Variants in SLC39A10 observed in about 807,000 individuals in gnomAD.
SLC39A10 encodes the protein zinc transporter ZIP10.
SLC39A10 carries 13 observed loss-of-function variants against 65.1 expected under a neutral mutation model. The observed-to-expected ratio is 0.20, with a 90% CI of 0.13 to 0.32. The LOEUF is 0.32. Among genes scored for constraint, SLC39A10 ranks in the 10% least tolerant of loss-of-function variants. The pLI is 1.00. For synonymous variants in SLC39A10, 321 were observed against 342.2 expected, an observed-to-expected ratio of 0.94 and a Z score of 0.68; for missense variants, 831 against 1,018.4, an observed-to-expected ratio of 0.82 and a Z score of 2.50.
intron 1 of SLC39A10, among the ~76,000 whole-genome samples, chr2:195,658,936 A>G (rs371727085): frequency 6.6e-6 from 1 of 152,258 alleles, no homozygotes; most frequent in East Asian, 1.9e-4. Context: ...ATAGAATTGC[A>G]ACAGAAACCA....
intron 2 of SLC39A10, among the ~76,000 whole-genome samples, chr2:195,632,218 T>A (rs192946858): frequency 7.9e-4 from 119 of 151,412 alleles, no homozygotes; most frequent in Non-Finnish European, 1.4e-3. Flanking sequence ...TTTGTTATTC[T>A]TATCAAAGCT....
chr2:195,653,057 C>T (rs986446740), upstream of SLC39A10, among the ~76,000 whole-genome samples: 6 of 152,058 alleles, frequency 3.9e-5, no homozygotes, highest in Non-Finnish European at 5.9e-5. Flanking sequence ...TTCCAGGAAA[C>T]CAGTCTCTGG....
chr2:195,706,536 A>G (rs911507985), intron 3 of SLC39A10, 80 bp from the exon 4 acceptor site: 1 of 1,339,522 alleles, frequency 7.5e-7, no homozygotes, highest in Non-Finnish European at 1.0e-6. Flanking sequence ...CGATTCATTT[A>G]TCTTATATTT....
At chr2:195,640,449 A>G (rs1450778899) in intron 2 of SLC39A10, among the ~76,000 whole-genome samples, 1 of 152,138 alleles carries the variant, frequency 6.6e-6, no homozygotes, top group Non-Finnish European at 1.5e-5. Flanking sequence ...AAAAAAGAAA[A>G]TAGTTACTGT....
intron 9 of SLC39A10, among the ~76,000 whole-genome samples, chr2:195,734,155 T>C (rs1479964692): frequency 1.1e-5 from 1 of 90,790 alleles, no homozygotes; most frequent in Admixed American, 1.2e-4. Flanking sequence ...TCTTCCTTTT[T>C]TTTTAAAAAA....
intron 2 of SLC39A10, among the ~76,000 whole-genome samples, chr2:195,616,757 C>G (rs1688219440): frequency 1.3e-5 from 2 of 151,982 alleles, no homozygotes; most frequent in African/African-American, 4.8e-5. Context: ...GCTCCCGCCA[C>G]CACGCCTGGC....
At chr2:195,650,654 C>G (rs1689012616) in intron 2 of SLC39A10, among the ~76,000 whole-genome samples, 1 of 152,048 alleles carries the variant, frequency 6.6e-6, no homozygotes, top group Admixed American at 6.6e-5. Flanking sequence ...TTTTTCTCCC[C>G]TGGGTGAGAA....
At chr2:195,723,826 G>C (rs1232426215) in intron 8 of SLC39A10, among the ~76,000 whole-genome samples, 1 of 151,938 alleles carries the variant, frequency 6.6e-6, no homozygotes, top group Admixed American at 6.6e-5. Flanking sequence ...TAGTATACCA[G>C]GGTGACCAGT....
At position 195,680,146 on chromosome 2, in the gene SLC39A10, C is replaced by T. The variant is rs754559742; in HGVS notation, c.104C>T (p.Ala35Val). 13 of 1,613,830 alleles carry T rather than the reference C, an allele frequency of 8.1e-6. No homozygotes were observed. In the African/African-American group the frequency reaches 9.4e-5, roughly 12 times the overall value. The part of the protein sequence containing the change: ...CHEEHDHGPE[A>V]LHRQHRGMTE... ...GAAGAACATGACCATGGCCCTGAAGCGCTTCACAGACAGCATCGTGGAATG... is the reference window on the plus strand; with the variant it reads ...GAAGAACATGACCATGGCCCTGAAGTGCTTCACAGACAGCATCGTGGAATG... Residue 35 changes from alanine (A) to valine (V), a missense_variant, in exon 2 of 10, where the codon GCG (alanine) becomes GTG (valine). Coordinates refer to ENST00000359634, the MANE Select transcript of SLC39A10 (RefSeq NM_020342.3).
intron 4 of SLC39A10, among the ~76,000 whole-genome samples, chr2:195,707,432 G>A (rs1691447087): frequency 6.6e-6 from 1 of 151,994 alleles, no homozygotes; most frequent in Non-Finnish European, 1.5e-5. Context: ...GAAAACAATG[G>A]GGATTTTTCT....
At chr2:195,620,732 T>C (rs1281236505) in intron 2 of SLC39A10, among the ~76,000 whole-genome samples, 1 of 152,186 alleles carries the variant, frequency 6.6e-6, no homozygotes, top group African/African-American at 2.4e-5. Flanking sequence ...TAACTATTTA[T>C]AAACAATGTA....
At chr2:195,641,289 C>G (rs1252061516) in intron 2 of SLC39A10, among the ~76,000 whole-genome samples, 1 of 152,064 alleles carries the variant, frequency 6.6e-6, no homozygotes, top group East Asian at 1.9e-4. Flanking sequence ...GAAGGGGTGC[C>G]GAGGAGATGA....
intron 3 of SLC39A10, 27 bp downstream of exon 3, chr2:195,683,933 C>T (rs1335933952): frequency 6.7e-7 from 1 of 1,485,146 alleles, no homozygotes; most frequent in African/African-American, 1.4e-5. Context: ...GTTTTTTCTC[C>T]TTAAAATAGT....
chr2:195,727,569 C>G (rs775775504), intron 8 of SLC39A10, among the ~76,000 whole-genome samples: 2 of 152,036 alleles, frequency 1.3e-5, no homozygotes, highest in Non-Finnish European at 2.9e-5. Context: ...ATAAAATATA[C>G]TTAAAGCACC....
At chr2:195,717,126 A>T (rs922568276) in intron 7 of SLC39A10, 121 bp downstream of exon 7, 7 of 1,355,260 alleles carry the variant, frequency 5.2e-6, no homozygotes, top group Non-Finnish European at 7.0e-6. Context: ...GATTTTTCCC[A>T]AAGGCTACAG....
intron 2 of SLC39A10, among the ~76,000 whole-genome samples, chr2:195,650,150 T>C (rs931929534): frequency 4.0e-5 from 6 of 151,816 alleles, no homozygotes; most frequent in Admixed American, 1.3e-4. Context: ...GGCATGGTGG[T>C]GGGCAGCTGT....
intron 3 of SLC39A10, among the ~76,000 whole-genome samples, chr2:195,700,753 G>A (rs1296953649): frequency 6.6e-6 from 1 of 152,134 alleles, no homozygotes; most frequent in Non-Finnish European, 1.5e-5. Flanking sequence ...ATTGCCTTCT[G>A]ACCCACAAAG....
At chr2:195,731,852 T>C (rs550471244) in intron 9 of SLC39A10, among the ~76,000 whole-genome samples, 14 of 152,304 alleles carry the variant, frequency 9.2e-5, no homozygotes, top group Admixed American at 3.3e-4. Flanking sequence ...CATCATTCCT[T>C]TGAACAGTAA....
intron 3 of SLC39A10, among the ~76,000 whole-genome samples, chr2:195,692,941 A>G (rs1690799640): frequency 6.6e-6 from 1 of 152,148 alleles, no homozygotes; most frequent in Non-Finnish European, 1.5e-5. Flanking sequence ...TTTCCCATTT[A>G]GTATAATATT....
Sources: gnomAD v4.1 joint callset for allele counts (sites outside exome capture counted in the v4.1 genomes callset) on GRCh38, gnomAD v4.1.1 for gene constraint, MANE v1.5 for transcripts, NCBI Gene and HGNC (gene_info 2026-07-23, HGNC 2026-07-21) for gene names.